The following WDR41 variants were observed in gnomAD, a reference collection of about 807,000 sequenced individuals.
WDR41 encodes WD repeat domain 41, also known as WD repeat-containing protein 41.
Under a neutral mutation model 69.3 loss-of-function variants are expected in WDR41, and 63 were observed. That is an observed-to-expected ratio of 0.91 (90% confidence interval 0.74 to 1.12). The LOEUF is 1.12. Among genes scored for constraint, WDR41 ranks in the 50% most tolerant of loss-of-function variants. The probability of loss-of-function intolerance (pLI) is 0.00; values close to 1 mark genes in which losing one functional copy is unlikely to be tolerated. For missense variants in WDR41, 543 were observed against 534.5 expected (o/e 1.02, Z -0.16); for synonymous variants, 185 against 192.1 (o/e 0.96, Z 0.31).
chr5:77,566,432 C>A (rs1473995233), intron 1 of WDR41, among the ~76,000 whole-genome samples: 1 of 152,024 alleles, frequency 6.6e-6, no homozygotes, highest in Non-Finnish European at 1.5e-5. Flanking sequence ...TTTGTTGCAG[C>A]GATGAGTACC....
intron 1 of WDR41, among the ~76,000 whole-genome samples, chr5:77,607,215 G>T (rs767116793): frequency 2.6e-5 from 4 of 152,128 alleles, no homozygotes; most frequent in Non-Finnish European, 5.9e-5. Context: ...AACAATGAAG[G>T]TAAGGCTATC....
At chr5:77,510,198 T>C (rs1414213503) in intron 1 of WDR41, among the ~76,000 whole-genome samples, 1 of 152,170 alleles carries the variant, frequency 6.6e-6, no homozygotes, top group Non-Finnish European at 1.5e-5. Flanking sequence ...GAGCAGCAAG[T>C]AACATCTTAC....
At chr5:77,494,479 A>C (rs1384169406), upstream of WDR41, among the ~76,000 whole-genome samples, 1 of 152,178 alleles carries the variant, frequency 6.6e-6, no homozygotes, top group Non-Finnish European at 1.5e-5. Context: ...AAGATATTCC[A>C]TGCAAATAGT....
chr5:77,501,241 C>A (rs778911773), intron 1 of WDR41, among the ~76,000 whole-genome samples: 3 of 152,246 alleles, frequency 2.0e-5, no homozygotes, highest in African/African-American at 7.2e-5. Context: ...TCTGGCTCAG[C>A]GGGCCCCACA....
In WDR41 at chr5:77,591,743, C is replaced by T. The variant is rs144607072; in HGVS notation, c.42+28736G>A. Among the ~76,000 whole-genome samples the T allele has an allele frequency of 1.8e-4, 28 of 152,168 alleles. No individual in the cohort carries two copies. The East Asian group carries it at 1.9e-3, about 10-fold the overall frequency. On this transcript the variant is annotated intron_variant, in intron 1 of 5. Transcript: ENST00000509971. Reference sequence around the variant, plus strand: ...ATTGAATTCTACTTTAATTCTGCAACGGTCAGAAAACACTTTGTAAGATTT... The same window carrying T: ...ATTGAATTCTACTTTAATTCTGCAATGGTCAGAAAACACTTTGTAAGATTT...
At chr5:77,541,504 T>C (rs1054185364) in intron 1 of WDR41, among the ~76,000 whole-genome samples, 1 of 146,402 alleles carries the variant, frequency 6.8e-6, no homozygotes, top group Non-Finnish European at 1.5e-5. Flanking sequence ...TTTTTTTTTT[T>C]TTTTTTGAGA....
intron 1 of WDR41, among the ~76,000 whole-genome samples, chr5:77,533,855 T>C (rs1019537216): frequency 6.6e-6 from 1 of 152,190 alleles, no homozygotes. Context: ...TACTTCTTTA[T>C]GTGATGCCTG....
intron 1 of WDR41, among the ~76,000 whole-genome samples, chr5:77,512,993 T>C (rs1343030175): frequency 1.3e-5 from 2 of 152,186 alleles, no homozygotes; most frequent in African/African-American, 2.4e-5. Context: ...ATGAAAAGGC[T>C]TATCGTTTTC....
chr5:77,584,191 T>C (rs990302620), intron 1 of WDR41, among the ~76,000 whole-genome samples: 12 of 152,110 alleles, frequency 7.9e-5, no homozygotes, highest in Admixed American at 2.6e-4. Flanking sequence ...AATGAAGAGA[T>C]CCACTCTGAC....
At chr5:77,558,886 A>AT (rs35646593) in intron 1 of WDR41, among the ~76,000 whole-genome samples, 1 of 150,022 alleles carries the variant, frequency 6.7e-6, no homozygotes, top group Non-Finnish European at 1.5e-5. Flanking sequence ...TTGAAAAAAT[A>AT]TTTTTTTTCT....
At chr5:77,438,816 T>C (rs1288089767) in intron 9 of WDR41, among the ~76,000 whole-genome samples, 3 of 152,042 alleles carry the variant, frequency 2.0e-5, no homozygotes, top group Non-Finnish European at 4.4e-5. Context: ...CTACAAGTGA[T>C]ACAAAAAAGC....
chr5:77,468,724 G>A (rs956644094), intron 2 of WDR41, among the ~76,000 whole-genome samples: 4 of 152,010 alleles, frequency 2.6e-5, no homozygotes, highest in Non-Finnish European at 4.4e-5. Flanking sequence ...ATCTTAATAC[G>A]ACATTATTAT....
At chr5:77,524,704 C>T (rs988764009) in intron 1 of WDR41, among the ~76,000 whole-genome samples, 8 of 152,114 alleles carry the variant, frequency 5.3e-5, no homozygotes, top group Admixed American at 1.3e-4. Context: ...ATAGCTCTTA[C>T]TTCTGCTCCC....
chr5:77,456,733 G>C (rs1024554535), intron 5 of WDR41, among the ~76,000 whole-genome samples: 1 of 151,984 alleles, frequency 6.6e-6, no homozygotes, highest in African/African-American at 2.4e-5. Flanking sequence ...ACAGGGTCTT[G>C]CTCTATCGCC....
In WDR41 at chr5:77,492,314, A is replaced by G. The variant is rs1801843060; in HGVS notation, c.-94T>C. 1.3e-6 allele frequency: 2 copies of G among 1,526,276 alleles called. No homozygotes were observed. The highest frequency in any genetic ancestry group is 1.8e-6 in the Non-Finnish European group (2 of 1,120,868). 94.5% of individuals were successfully genotyped at this position (1,526,276 alleles called of 1,614,324 possible). ...CTCCTTCCTCCCCGGCTGCAGCGCA[A>G]CTGAGACGCTAATACTTCCCGCCCC... is the stretch of plus-strand genomic sequence containing the variant. On this transcript the variant is annotated 5_prime_UTR_variant, in exon 1 of 13. Transcript: ENST00000296679.
At chr5:77,491,463 G>T (rs1005010461) in intron 1 of WDR41, among the ~76,000 whole-genome samples, 1 of 152,056 alleles carries the variant, frequency 6.6e-6, no homozygotes, top group Admixed American at 6.6e-5. Context: ...GTTCTTGTGT[G>T]GCATACGAAA....
rs1014569616 is a variant in WDR41 at position 77,545,784 on chromosome 5, C to T, written c.43-56212G>A. On this transcript the variant is annotated intron_variant, in intron 1 of 5. Coordinates refer to the WDR41 transcript ENST00000509971. ...TGACTACATTGGGGACTACAATGGCCACGTCGGTCTGGGTGTTAAGTGCTC... is the reference window on the plus strand; with the variant it reads ...TGACTACATTGGGGACTACAATGGCTACGTCGGTCTGGGTGTTAAGTGCTC... 10 of 984,444 alleles carry T rather than the reference C, an allele frequency of 1.0e-5. No homozygotes were observed. The Admixed American group carries it at 1.5e-4, about 15-fold the overall frequency. 61.0% of individuals were successfully genotyped at this position (984,444 alleles called of 1,614,324 possible). A position where few individuals can be genotyped will look rare whatever the true frequency, so the allele number is the denominator to read the frequency against.
chr5:77,598,614 C>T (rs1330413381), intron 1 of WDR41, among the ~76,000 whole-genome samples: 6 of 150,814 alleles, frequency 4.0e-5, no homozygotes, highest in African/African-American at 1.5e-4. Flanking sequence ...GCCAAGCTGG[C>T]CTTTGAAGTT....
At chr5:77,584,734 T>G (rs1402996817) in intron 1 of WDR41, among the ~76,000 whole-genome samples, 2 of 152,090 alleles carry the variant, frequency 1.3e-5, no homozygotes, top group Non-Finnish European at 2.9e-5. Flanking sequence ...AAAGACATCC[T>G]ACTCAGCAAA....
Sources: allele counts gnomAD v4.1 joint callset (sites outside exome capture counted in the v4.1 genomes callset), GRCh38; gene constraint gnomAD v4.1.1; transcripts MANE v1.5; gene names NCBI Gene and HGNC (gene_info 2026-07-23, HGNC 2026-07-21).